Variants in NEK10 observed in about 807,000 individuals in gnomAD.
NEK10 encodes the protein NIMA related kinase 10.
Under a neutral mutation model 159.8 loss-of-function variants are expected in NEK10, and 122 were observed. That is an observed-to-expected ratio of 0.76 (90% CI 0.66 to 0.89). The LOEUF is 0.89. NEK10 is among the 40% of genes least tolerant of loss of function. NEK10 has a pLI of 0.00. For synonymous variants in NEK10, 466 were observed against 457.1 expected (o/e 1.02, Z -0.25); for missense variants, 1,342 against 1,323.1 (o/e 1.01, Z -0.22).
intron 7 of NEK10, among the ~76,000 whole-genome samples, chr3:27,313,946 A>G (rs1327975268): frequency 6.6e-6 from 1 of 152,136 alleles, no homozygotes; most frequent in African/African-American, 2.4e-5. Flanking sequence ...TCCTGACCTC[A>G]GGTGATCCAC....
At chr3:27,363,439 T>C (rs1276762848) in intron 1 of NEK10, among the ~76,000 whole-genome samples, 1 of 152,212 alleles carries the variant, frequency 6.6e-6, no homozygotes, top group Non-Finnish European at 1.5e-5. Flanking sequence ...TAATAAATAA[T>C]TGCTGAATGA....
Position 27,369,121 on chromosome 3 carries a change from C to T in NEK10, c.-38+104G>A, listed in dbSNP as rs1374210085. 6.6e-6 allele frequency: 1 copy of T among 152,340 alleles called. No homozygotes were observed. Among genetic ancestry groups the T allele is most frequent in the Non-Finnish European group, 1.5e-5 (1 of 68,120 alleles). 9.4% of individuals were successfully genotyped at this position (152,340 alleles called of 1,614,324 possible). ...GCCTCTTGTCTAGTGAAGCTGGCTC[C>T]CGAGGCTTCGGGGCCGCTCCACAGG... On this transcript the variant is annotated intron_variant, in intron 1 of 35. Coordinates refer to ENST00000691995, the MANE Select transcript of NEK10 (RefSeq NM_001394966.1). The surrounding 1 kb of genome is among the most constrained non-coding windows in gnomAD (Gnocchi z 4.2).
chr3:27,269,663 G>T (rs2041181455), intron 22 of NEK10, among the ~76,000 whole-genome samples: 3 of 152,148 alleles, frequency 2.0e-5, no homozygotes, highest in Admixed American at 6.5e-5. Flanking sequence ...AAGTTTATAT[G>T]ACTTGCTTTA....
In NEK10 at chr3:27,301,841, A is replaced by G. The variant is rs527430695; in HGVS notation, c.1029-6T>C. ...CAGAAACAAAATTTCTGTCTCTGAA[A>G]AAGAAAAGTTAATGCATAGACCATT... is the stretch of plus-strand genomic sequence containing the variant. On this transcript the variant is annotated splice_region_variant and splice_polypyrimidine_tract_variant and intron_variant, in intron 12 of 35. Transcript: ENST00000691995. The G allele has an allele frequency of 1.5e-5, 24 of 1,549,858 alleles. No homozygotes were observed. In the South Asian group the frequency reaches 2.7e-4, roughly 18 times the overall value.
chr3:27,285,634 T>C (rs1174864501), intron 20 of NEK10, among the ~76,000 whole-genome samples: 2 of 152,148 alleles, frequency 1.3e-5, no homozygotes, highest in African/African-American at 4.8e-5. Context: ...TTGCTTTGGA[T>C]GCCAAAAAAC....
At chr3:27,274,805 G>A (rs1375365246) in intron 22 of NEK10, among the ~76,000 whole-genome samples, 1 of 152,084 alleles carries the variant, frequency 6.6e-6, no homozygotes, top group African/African-American at 2.4e-5. Context: ...CAGAAGCATA[G>A]TACTCTGTAC....
At chr3:27,125,570 GCTT>G (rs1295513211) in intron 32 of NEK10, among the ~76,000 whole-genome samples, 3 of 152,012 alleles carry the variant, frequency 2.0e-5, no homozygotes, top group Non-Finnish European at 4.4e-5. Flanking sequence ...CTAACATACA[GCTT>G]CTCCATATGA....
At chr3:27,287,037 A>G (rs976235265) in intron 20 of NEK10, among the ~76,000 whole-genome samples, 25 of 152,004 alleles carry the variant, frequency 1.6e-4, no homozygotes, top group Admixed American at 5.2e-4. Flanking sequence ...ATGTCTCTTT[A>G]AATCATTCTT....
intron 23 of NEK10, among the ~76,000 whole-genome samples, chr3:27,217,263 T>C (rs1951631669): frequency 1.3e-5 from 2 of 152,176 alleles, no homozygotes; most frequent in Admixed American, 1.3e-4. Context: ...CCTGTATTCG[T>C]CCACTCTCGC....
intron 23 of NEK10, among the ~76,000 whole-genome samples, chr3:27,220,576 G>C (rs1038886790): frequency 1.3e-5 from 2 of 152,048 alleles, no homozygotes; most frequent in African/African-American, 4.8e-5. Context: ...CATCTTGCGG[G>C]GGTGGGGGGA....
At chr3:27,201,163 C>A (rs1258479336) in intron 25 of NEK10, among the ~76,000 whole-genome samples, 3 of 152,114 alleles carry the variant, frequency 2.0e-5, no homozygotes, top group Non-Finnish European at 2.9e-5. Flanking sequence ...TCTTGTCTGG[C>A]CTTTTTCCAA....
At chr3:27,230,669 G>GA (rs572008468) in intron 23 of NEK10, among the ~76,000 whole-genome samples, 113 of 151,990 alleles carry the variant, frequency 7.4e-4, no homozygotes, top group African/African-American at 2.4e-3. Context: ...GGACAGGGGT[G>GA]AAAAAAGATA....
intron 23 of NEK10, among the ~76,000 whole-genome samples, chr3:27,208,377 T>A (rs13086192): frequency 0.23 from 35,735 of 152,114 alleles, 4,541 homozygotes; most frequent in Middle Eastern, 0.38. Context: ...CTACTTATTA[T>A]AAGCACTTAA....
chr3:27,168,751 T>C lies in NEK10; in HGVS notation c.2831+3068A>G, dbSNP rs529884704. 3.3e-5 allele frequency among the ~76,000 whole-genome samples: 5 copies of C among 152,344 alleles called. No individual in the cohort carries two copies. In the South Asian group the frequency reaches 1.0e-3, roughly 32 times the overall value. ...ACATTTCATGGCACAATTTTACAAA[T>C]GTTGCTTTAGGTCAGGTCCTGTTCA... On this transcript the variant is annotated intron_variant, in intron 29 of 35. Transcript: ENST00000691995.
intron 5 of NEK10, among the ~76,000 whole-genome samples, chr3:27,324,866 T>A (rs1385816382): frequency 6.6e-6 from 1 of 152,188 alleles, no homozygotes; most frequent in African/African-American, 2.4e-5. Flanking sequence ...TGGCCTCATG[T>A]CTTTCCACTG....
intron 22 of NEK10, among the ~76,000 whole-genome samples, chr3:27,265,057 G>T (rs2040775839): frequency 1.3e-5 from 2 of 152,116 alleles, no homozygotes; most frequent in Admixed American, 1.3e-4. Context: ...ATTCCTTTCA[G>T]CAAAATAAGA....
In NEK10 at chr3:27,207,258, G is replaced by C. The variant is rs188019910; in HGVS notation, c.2091-4701C>G. 2.6e-4 allele frequency among the ~76,000 whole-genome samples: 40 copies of C among 152,140 alleles called. 1 individual carries two copies. Among genetic ancestry groups the C allele is most frequent in the Admixed American group, 1.2e-3 (18 of 15,276 alleles). The stretch of plus-strand genomic sequence containing the variant: ...AAGATGATAATATTTGACAACTAAG[G>C]GTTTATAAGAACTAGCTTATTTTCA... On this transcript the variant is annotated intron_variant, in intron 23 of 35. Coordinates refer to ENST00000691995, the MANE Select transcript of NEK10 (RefSeq NM_001394966.1).
At chr3:27,310,147 G>A (rs1367151033) in intron 9 of NEK10, 1 of 151,902 alleles carries the variant, frequency 6.6e-6, no homozygotes, top group Non-Finnish European at 1.5e-5. Context: ...ATCTTTATTT[G>A]TCTGATCCTT....
chr3:27,286,079 CTT>C (rs35663067), intron 20 of NEK10, among the ~76,000 whole-genome samples: 186 of 57,648 alleles, frequency 3.2e-3, no homozygotes, highest in African/African-American at 0.014. Context: ...ATTTCCAATT[CTT>C]TTTTTTTTTT....
Sources: allele counts gnomAD v4.1 joint callset (sites outside exome capture counted in the v4.1 genomes callset), GRCh38; gene constraint gnomAD v4.1.1; non-coding constraint Gnocchi (gnomAD v3.1); transcripts MANE v1.5; gene names NCBI Gene and HGNC (gene_info 2026-07-23, HGNC 2026-07-21).